CFAP299: variants seen among roughly 807,000 people sequenced by gnomAD.
The protein encoded by CFAP299 is cilia and flagella associated protein 299.
A neutral mutation model predicts 27.0 loss-of-function variants in CFAP299; 21 were observed. That is an observed-to-expected ratio of 0.78 (90% CI 0.55 to 1.12). CFAP299 has a LOEUF of 1.12. CFAP299 is among the 50% of genes most tolerant of loss of function. The pLI is 0.00. For missense variants in CFAP299, 310 were observed against 276.6 expected, an observed-to-expected ratio of 1.12 and a Z score of -0.86; for synonymous variants, 104 against 98.1, an observed-to-expected ratio of 1.06 and a Z score of -0.36.
At chr4:80,400,195 T>G (rs1726067936) in intron 2 of CFAP299, among the ~76,000 whole-genome samples, 1 of 152,186 alleles carries the variant, frequency 6.6e-6, no homozygotes. Context: ...CGAGTGTATT[T>G]TGTATATGAT....
intron 1 of CFAP299, among the ~76,000 whole-genome samples, chr4:80,350,959 T>TAA (rs1040180672): frequency 6.7e-6 from 1 of 148,182 alleles, no homozygotes; most frequent in Admixed American, 6.7e-5. Flanking sequence ...AATAAGTAAA[T>TAA]AAAAAAAAAG....
chr4:80,836,842 AC>A (rs1447604905), intron 3 of CFAP299, among the ~76,000 whole-genome samples: 2 of 152,106 alleles, frequency 1.3e-5, no homozygotes, highest in Non-Finnish European at 2.9e-5. Flanking sequence ...TAGAAAACAA[AC>A]GACTTTTTGA....
intron 4 of CFAP299, among the ~76,000 whole-genome samples, chr4:80,907,926 G>A (rs1735265575): frequency 6.6e-6 from 1 of 152,180 alleles, no homozygotes; most frequent in African/African-American, 2.4e-5. Flanking sequence ...GAAAGCTTAA[G>A]GGCCTCCATC....
At chr4:80,540,435 A>C (rs1733946468) in intron 2 of CFAP299, among the ~76,000 whole-genome samples, 1 of 152,256 alleles carries the variant, frequency 6.6e-6, no homozygotes, top group Non-Finnish European at 1.5e-5. Context: ...AGAGTACATT[A>C]ATTCATTACC....
At chr4:80,362,711 T>A in intron 1 of CFAP299, 43 bp from the exon 2 acceptor site, 8 of 1,550,476 alleles carry the variant, frequency 5.2e-6, no homozygotes, top group Non-Finnish European at 6.9e-6. Flanking sequence ...AAAAATAGTA[T>A]GTCTCATTTG....
chr4:80,675,015 C>CTA (rs1437863860), intron 3 of CFAP299, among the ~76,000 whole-genome samples: 1 of 152,194 alleles, frequency 6.6e-6, no homozygotes. Context: ...CTTCTGAAGC[C>CTA]TACTTCTATC....
chr4:80,350,941 A>C (rs1206470370), intron 1 of CFAP299, among the ~76,000 whole-genome samples: 5 of 152,164 alleles, frequency 3.3e-5, no homozygotes, highest in Non-Finnish European at 7.3e-5. Flanking sequence ...CCAGAACTTA[A>C]AGTAAAAAAT....
chr4:80,331,607 A>G (rs1422456509), upstream of CFAP299, among the ~76,000 whole-genome samples: 1 of 152,196 alleles, frequency 6.6e-6, no homozygotes, highest in Non-Finnish European at 1.5e-5. Flanking sequence ...ACGGAGAAGT[A>G]AGGTTCAAGA....
At chr4:80,444,125 A>G (rs1442427906) in intron 2 of CFAP299, among the ~76,000 whole-genome samples, 1 of 152,216 alleles carries the variant, frequency 6.6e-6, no homozygotes, top group Non-Finnish European at 1.5e-5. Flanking sequence ...TATAGATTCA[A>G]TGCTATTTCT....
At chr4:80,427,273 T>TTTTATTTTAC (rs1327232711) in intron 2 of CFAP299, among the ~76,000 whole-genome samples, 1 of 152,238 alleles carries the variant, frequency 6.6e-6, no homozygotes, top group East Asian at 1.9e-4. Flanking sequence ...TTTTATTTTA[T>TTTTATTTTAC]TTTATTTTAC....
At chr4:80,885,883 G>A (rs1242818798) in intron 4 of CFAP299, among the ~76,000 whole-genome samples, 1 of 152,136 alleles carries the variant, frequency 6.6e-6, no homozygotes, top group African/African-American at 2.4e-5. Context: ...CAGTGAGGTA[G>A]AGCAACAAGC....
At chr4:80,692,742 C>A (rs998129920) in intron 3 of CFAP299, among the ~76,000 whole-genome samples, 83 of 152,054 alleles carry the variant, frequency 5.5e-4, no homozygotes, top group Non-Finnish European at 1.1e-3. Flanking sequence ...AAGAAACTAC[C>A]ATCAGAGTGA....
chr4:80,431,216 T>C (rs1172581186), intron 2 of CFAP299, among the ~76,000 whole-genome samples: 1 of 152,204 alleles, frequency 6.6e-6, no homozygotes, highest in Non-Finnish European at 1.5e-5. Context: ...TCTGTTTTGT[T>C]CAGTAACTGG....
At chr4:80,794,194 G>T (rs1301817993) in intron 3 of CFAP299, among the ~76,000 whole-genome samples, 3 of 152,172 alleles carry the variant, frequency 2.0e-5, no homozygotes, top group African/African-American at 7.2e-5. Context: ...TTAAAGGTAG[G>T]AGAAACCCAA....
intron 3 of CFAP299, among the ~76,000 whole-genome samples, chr4:80,626,922 A>C (rs1296752165): frequency 1.3e-5 from 2 of 151,862 alleles, no homozygotes; most frequent in Non-Finnish European, 3.0e-5. Flanking sequence ...TTTAAAGAAG[A>C]ACTAATAAAA....
intron 3 of CFAP299, among the ~76,000 whole-genome samples, chr4:80,845,355 A>T (rs1486901671): frequency 6.6e-6 from 1 of 151,548 alleles, no homozygotes; most frequent in African/African-American, 2.4e-5. Context: ...ATTCTGTTGC[A>T]TAAAACTGTT....
upstream of CFAP299, among the ~76,000 whole-genome samples, chr4:80,334,695 A>G (rs1722054860): frequency 6.6e-6 from 1 of 152,256 alleles, no homozygotes; most frequent in East Asian, 1.9e-4. Context: ...TACATTCATT[A>G]AACAAACAAA....
At chr4:80,415,222 G>A (rs548215817) in intron 2 of CFAP299, among the ~76,000 whole-genome samples, 188 of 152,248 alleles carry the variant, frequency 1.2e-3, no homozygotes, top group Middle Eastern at 3.4e-3. Flanking sequence ...AATTTTGGCC[G>A]TCTTTCTGGG....
At chr4:80,384,134 C>A (rs1426809970) in intron 2 of CFAP299, among the ~76,000 whole-genome samples, 1 of 152,098 alleles carries the variant, frequency 6.6e-6, no homozygotes, top group African/African-American at 2.4e-5. Context: ...CTTCCTTTAT[C>A]CATTCCTTAC....
Sources: allele counts gnomAD v4.1 joint callset (sites outside exome capture counted in the v4.1 genomes callset), GRCh38; gene constraint gnomAD v4.1.1; transcripts MANE v1.5; gene names NCBI Gene and HGNC (gene_info 2026-07-23, HGNC 2026-07-21).